Variants in MYO3B observed in about 807,000 individuals in gnomAD.
MYO3B encodes myosin IIIB, also known as myosin-IIIb.
A neutral mutation model predicts 174.6 loss-of-function variants in MYO3B; 156 were observed. That is an observed-to-expected ratio of 0.89 (90% CI 0.78 to 1.02). The LOEUF (loss-of-function observed/expected upper bound fraction) is 1.02. MYO3B is among the 50% of genes least tolerant of loss of function. MYO3B has a pLI of 0.00. For synonymous variants in MYO3B, 563 were observed against 569.1 expected, an observed-to-expected ratio of 0.99 and a Z score of 0.15; for missense variants, 1,632 against 1,639.4, an observed-to-expected ratio of 1.00 and a Z score of 0.08.
chr2:170,385,772 C>G (rs1212989490), intron 12 of MYO3B: 1 of 153,418 alleles, frequency 6.5e-6, no homozygotes. Context: ...CAGGCACTTT[C>G]ACATATTGGT....
chr2:170,341,747 T>C (rs769989627), intron 8 of MYO3B, among the ~76,000 whole-genome samples: 2 of 152,152 alleles, frequency 1.3e-5, no homozygotes, highest in African/African-American at 2.4e-5. Context: ...TATTTTGAAA[T>C]ATTGGGATTT....
intron 32 of MYO3B, among the ~76,000 whole-genome samples, chr2:170,639,765 T>C (rs1292247554): frequency 6.6e-6 from 1 of 152,212 alleles, no homozygotes; most frequent in Non-Finnish European, 1.5e-5. Context: ...TTGTCATTTC[T>C]TCATACTACA....
chr2:170,478,807 G>A (rs1685483352), intron 25 of MYO3B, among the ~76,000 whole-genome samples: 1 of 147,984 alleles, frequency 6.8e-6, no homozygotes, highest in Non-Finnish European at 1.5e-5. Flanking sequence ...CTGACCTCAG[G>A]TGATCTCGGA....
At chr2:170,527,485 C>A (rs894911239) in intron 30 of MYO3B, among the ~76,000 whole-genome samples, 3 of 152,168 alleles carry the variant, frequency 2.0e-5, no homozygotes, top group Non-Finnish European at 4.4e-5. Flanking sequence ...TCTTAAAAAA[C>A]CTGAGTATCT....
At chr2:170,624,632 T>C (rs537218586) in intron 32 of MYO3B, among the ~76,000 whole-genome samples, 26 of 152,312 alleles carry the variant, frequency 1.7e-4, no homozygotes, top group Admixed American at 5.2e-4. Context: ...GAGGGCATCC[T>C]TGTCTTGTGC....
At chr2:170,512,734 A>G (rs572186488) in intron 28 of MYO3B, among the ~76,000 whole-genome samples, 313 of 152,124 alleles carry the variant, frequency 2.1e-3, no homozygotes, top group Non-Finnish European at 3.6e-3. Flanking sequence ...ATAAAGGGGG[A>G]AAAAAAAGGA....
At chr2:170,636,647 C>T (rs1697509420) in intron 32 of MYO3B, among the ~76,000 whole-genome samples, 1 of 152,142 alleles carries the variant, frequency 6.6e-6, no homozygotes, top group Non-Finnish European at 1.5e-5. Flanking sequence ...GCCTCCCACC[C>T]TTCCAGAGCT....
chr2:170,344,781 A>T (rs778315311), intron 8 of MYO3B: 3 of 152,234 alleles, frequency 2.0e-5, no homozygotes, highest in Non-Finnish European at 2.9e-5. Flanking sequence ...AATGACAGTG[A>T]TGAATACTAT....
intron 28 of MYO3B, among the ~76,000 whole-genome samples, chr2:170,505,351 A>G (rs1185869202): frequency 6.6e-6 from 1 of 152,172 alleles, no homozygotes; most frequent in Non-Finnish European, 1.5e-5. Context: ...AATTCTGACA[A>G]TGGGTTCTTG....
At chr2:170,230,460 C>T (rs1574621510) in intron 6 of MYO3B, among the ~76,000 whole-genome samples, 3 of 146,382 alleles carry the variant, frequency 2.0e-5, no homozygotes, top group South Asian at 2.1e-4. Context: ...GGATTATAGG[C>T]GTGAGCCACC....
intron 7 of MYO3B, among the ~76,000 whole-genome samples, chr2:170,258,464 A>G (rs2093321498): frequency 6.6e-6 from 1 of 152,196 alleles, no homozygotes; most frequent in Non-Finnish European, 1.5e-5. Context: ...AAAAAATCAT[A>G]TGATCATCTC....
intron 6 of MYO3B, among the ~76,000 whole-genome samples, chr2:170,222,792 A>T (rs1284235767): frequency 6.6e-6 from 1 of 152,164 alleles, no homozygotes; most frequent in Non-Finnish European, 1.5e-5. Context: ...TCAACCAATA[A>T]CAAGCTCCCA....
intron 32 of MYO3B, among the ~76,000 whole-genome samples, chr2:170,563,125 C>T (rs1334161973): frequency 8.4e-6 from 1 of 119,338 alleles, no homozygotes; most frequent in African/African-American, 4.8e-5. Flanking sequence ...CACATACACA[C>T]ACACACACAC....
chr2:170,490,741 A>T (rs776716177), intron 25 of MYO3B, among the ~76,000 whole-genome samples: 4 of 152,052 alleles, frequency 2.6e-5, no homozygotes, highest in Non-Finnish European at 5.9e-5. Context: ...TGTTGAATTA[A>T]TTTTTTAAAT....
At chr2:170,405,476 A>G in intron 20 of MYO3B, 69 bp from the exon 21 acceptor site, 1 of 1,469,424 alleles carries the variant, frequency 6.8e-7, no homozygotes, top group African/African-American at 1.4e-5. Flanking sequence ...TCATGGCTTG[A>G]GGAACAAGTT....
chr2:170,236,487 T>A (rs1186237594), intron 7 of MYO3B, among the ~76,000 whole-genome samples: 1 of 152,218 alleles, frequency 6.6e-6, no homozygotes, highest in East Asian at 1.9e-4. Context: ...TTACATACTT[T>A]CTCTAGTATT....
chr2:170,514,905 T>G lies in MYO3B; in HGVS notation c.3371-16T>G, dbSNP rs1280248646. ...GGAGCATAACCTTGAGAAAGTCTTT[T>G]TGTTTCATTCCACAGGGGACACTTC... On this transcript the variant is annotated splice_polypyrimidine_tract_variant and intron_variant, in intron 28 of 34. Transcript: ENST00000408978. 1.2e-6 allele frequency: 2 copies of G among 1,610,190 alleles called. No individual in the cohort carries two copies. Among genetic ancestry groups the G allele is most frequent in the Admixed American group, 1.7e-5 (1 of 59,708 alleles).
At chr2:170,199,721 C>G (rs138506154) in intron 2 of MYO3B, among the ~76,000 whole-genome samples, 1 of 152,170 alleles carries the variant, frequency 6.6e-6, no homozygotes, top group Non-Finnish European at 1.5e-5. Context: ...AATCATCTTA[C>G]GCTGACATCT....
chr2:170,410,887 A>G (rs1439579794), intron 22 of MYO3B, among the ~76,000 whole-genome samples: 1 of 152,050 alleles, frequency 6.6e-6, no homozygotes, highest in Non-Finnish European at 1.5e-5. Flanking sequence ...CTTAAAATAC[A>G]AAGAGAAAAA....
Sources: gnomAD v4.1 joint callset for allele counts (sites outside exome capture counted in the v4.1 genomes callset) on GRCh38, gnomAD v4.1.1 for gene constraint, MANE v1.5 for transcripts, NCBI Gene and HGNC (gene_info 2026-07-23, HGNC 2026-07-21) for gene names.